Variants in ZFY observed in about 807,000 individuals in gnomAD.
ZFY encodes zinc finger protein Y-linked.
For synonymous variants in ZFY, 47 were observed against 55.8 expected (o/e 0.84, Z 0.71); for missense variants, 113 against 170.9 (o/e 0.66, Z 1.89).
chrY:2,962,673 G>A (rs2051315069), intron 3 of ZFY, among the ~76,000 whole-genome samples: 1 of 32,566 alleles, frequency 3.1e-5, no homozygotes, highest in Non-Finnish European at 7.5e-5. Flanking sequence ...TTCTGATAAT[G>A]ATAATTTTCT....
chrY:2,936,909 T>C, intron 1 of ZFY, among the ~76,000 whole-genome samples: 1 of 32,995 alleles, frequency 3.0e-5, no homozygotes, highest in African/African-American at 1.2e-4. Context: ...GTTTGCAAAA[T>C]TGGGAATCCT....
intron 3 of ZFY, among the ~76,000 whole-genome samples, chrY:2,963,093 GA>G: frequency 6.1e-5 from 2 of 32,623 alleles, no homozygotes; most frequent in South Asian, 1.4e-3. Flanking sequence ...TATTAATATA[GA>G]GAATACTGAG....
At chrY:2,977,780 CAAAAAAAAAAAAAAAAAA>C in intron 6 of ZFY, 142 bp from the exon 7 acceptor site, 1 of 11,931 alleles carries the variant, frequency 8.4e-5, no homozygotes, top group Non-Finnish European at 1.2e-4. Context: ...GACTCTGTCT[CAAAAAAAAAAAAAAAAAA>C]AAAAAAAAAA....
intron 3 of ZFY, among the ~76,000 whole-genome samples, chrY:2,972,020 C>T (rs781158102): frequency 1.2e-4 from 3 of 25,729 alleles, no homozygotes; most frequent in Admixed American, 1.1e-3. Flanking sequence ...TGAGATAGCG[C>T]CAGTGCACTC....
intron 1 of ZFY, among the ~76,000 whole-genome samples, chrY:2,950,645 C>T: frequency 3.0e-5 from 1 of 33,380 alleles, no homozygotes; most frequent in Non-Finnish European, 7.4e-5. Context: ...CAGTTTTCGC[C>T]GTGATAAAAT....
intron 3 of ZFY, among the ~76,000 whole-genome samples, chrY:2,967,593 C>A: frequency 4.0e-5 from 1 of 24,891 alleles, no homozygotes; most frequent in South Asian, 1.0e-3. Context: ...GAGATGGAGT[C>A]TTGCTCCATC....
intron 7 of ZFY, 29 bp downstream of exon 7, chrY:2,978,109 G>C: frequency 2.7e-6 from 1 of 371,899 alleles, no homozygotes; most frequent in African/African-American, 6.7e-5. Flanking sequence ...TTATGATGGA[G>C]TTTTAGCTAG....
chrY:2,944,347 TAG>T (rs2051255499), intron 1 of ZFY, among the ~76,000 whole-genome samples: 1 of 32,301 alleles, frequency 3.1e-5, no homozygotes. Flanking sequence ...TTCACAATTT[TAG>T]AGTTTTTTTT....
intron 1 of ZFY, among the ~76,000 whole-genome samples, chrY:2,936,026 A>G: frequency 2.9e-5 from 1 of 34,949 alleles, no homozygotes; most frequent in Non-Finnish European, 7.3e-5. Flanking sequence ...TGTCTGCGCA[A>G]CAGGGCGTGC....
At chrY:2,941,835 T>G in intron 1 of ZFY, among the ~76,000 whole-genome samples, 1 of 31,921 alleles carries the variant, frequency 3.1e-5, no homozygotes, top group Non-Finnish European at 7.6e-5. Flanking sequence ...TCTTTCAGGG[T>G]TTTGGAGATG....
At chrY:2,946,471 C>T in intron 1 of ZFY, among the ~76,000 whole-genome samples, 1 of 33,079 alleles carries the variant, frequency 3.0e-5, no homozygotes, top group Admixed American at 2.8e-4. Flanking sequence ...ATTGCTTCTA[C>T]TTACGTCTTT....
intron 7 of ZFY, among the ~76,000 whole-genome samples, chrY:2,978,303 T>G: frequency 2.9e-5 from 1 of 34,037 alleles, no homozygotes; most frequent in South Asian, 6.4e-4. Context: ...TACCTAACTT[T>G]AAGTGAACGA....
chrY:2,954,699 AAAATAAAT>A (rs751926000), intron 2 of ZFY, among the ~76,000 whole-genome samples: 24 of 26,540 alleles, frequency 9.0e-4, no homozygotes, highest in South Asian at 2.3e-3. Flanking sequence ...AGTGTCTCAA[AAAATAAAT>A]AAATAAATAA....
chrY:2,970,688 T>G, intron 3 of ZFY, among the ~76,000 whole-genome samples: 1 of 33,697 alleles, frequency 3.0e-5, no homozygotes, highest in African/African-American at 1.2e-4. Context: ...TCTCATTTCC[T>G]CACCTCTCCC....
Position 2,980,254 on chromosome Y carries a change from C to T in ZFY, c.*261C>T. Reference sequence around the variant, plus strand: ...TGTGATTCTATACTGAATTTTCAGTCATAAAAGCTTTACTATTTATTTACA... The same window carrying T: ...TGTGATTCTATACTGAATTTTCAGTTATAAAAGCTTTACTATTTATTTACA... On this transcript the variant is annotated 3_prime_UTR_variant, in exon 8 of 8. Coordinates refer to ENST00000155093, the MANE Select transcript of ZFY (RefSeq NM_003411.4). 1 of 111,391 alleles carries T rather than the reference C, an allele frequency of 9.0e-6. No individual in the cohort carries two copies. The highest frequency in any genetic ancestry group is 1.7e-5 in the Non-Finnish European group (1 of 58,203). 27.8% of individuals were successfully genotyped at this position (111,391 alleles called of 400,897 possible).
chrY:2,977,686 C>T, intron 6 of ZFY: 1 of 41,159 alleles, frequency 2.4e-5, no homozygotes, highest in Non-Finnish European at 4.4e-5. Context: ...GATGCTGAGG[C>T]AGGATAATCA....
At position 2,979,621 on chromosome Y, in the gene ZFY, T is replaced by C. The variant is rs754534259; in HGVS notation, c.2034T>C (p.Ala678=). 2.5e-6 allele frequency: 1 copy of C among 399,403 alleles called. No homozygotes were observed. The highest frequency in any genetic ancestry group is 3.0e-5 in the South Asian group (1 of 33,825). Residue 678 remains alanine, a synonymous_variant, in exon 8 of 8, where the codon GCT becomes GCC. Transcript: ENST00000155093. ...HRPSELKKHV[A]VHKGKKMHQC... ...CTTCAGAACTTAAGAAACATGTGGC[T>C]GTCCACAAAGGTAAAAAAATGCACC...
In ZFY at chrY:2,961,552, C is replaced by T; in HGVS notation, c.540C>T (p.Asp180=). ...TTTCAGAAGAAGTATTGGTAGCAGA[C>T]TGTGCCCCTGAAGCAGTCATAGATG... ...DIVSEEVLVA[D]CAPEAVIDAS... The change falls in exon 3 of 8, where the codon GAC becomes GAT. Residue 180 remains aspartate, a synonymous_variant. Coordinates refer to ENST00000155093, the MANE Select transcript of ZFY (RefSeq NM_003411.4). 2 of 398,891 alleles carry T rather than the reference C, an allele frequency of 5.0e-6. No individual in the cohort carries two copies. Among genetic ancestry groups the T allele is most frequent in the South Asian group, 5.9e-5 (2 of 33,767 alleles).
At chrY:2,964,844 C>G in intron 3 of ZFY, among the ~76,000 whole-genome samples, 1 of 32,483 alleles carries the variant, frequency 3.1e-5, no homozygotes, top group African/African-American at 1.2e-4. Context: ...CCATCCTGGT[C>G]AACATAGTGA....
Sources: allele counts gnomAD v4.1 joint callset (sites outside exome capture counted in the v4.1 genomes callset), GRCh38; gene constraint gnomAD v4.1.1; transcripts MANE v1.5; gene names NCBI Gene and HGNC (gene_info 2026-07-23, HGNC 2026-07-21).